KLC1: variants seen among roughly 807,000 people sequenced by gnomAD.
The protein encoded by KLC1 is kinesin 2 60/70kDa.
KLC1 carries 30 observed loss-of-function variants against 84.2 expected under a neutral mutation model. The observed-to-expected ratio is 0.36, with a 90% confidence interval of 0.27 to 0.48. The LOEUF is 0.48. Ranked by LOEUF, KLC1 falls within the 20% of genes least tolerant of loss-of-function variation. KLC1 has a pLI of 0.99. For synonymous variants in KLC1, 289 were observed against 293.3 expected, an observed-to-expected ratio of 0.99 and a Z score of 0.15; for missense variants, 499 against 805.4, an observed-to-expected ratio of 0.62 and a Z score of 4.60.
chr14:103,636,185 T>C (rs1444300884), intron 1 of KLC1, among the ~76,000 whole-genome samples: 1 of 152,192 alleles, frequency 6.6e-6, no homozygotes, highest in Non-Finnish European at 1.5e-5. Flanking sequence ...CCATCTTTTC[T>C]ACTTTGTTTC....
chr14:103,668,048 T>C (rs1595452354), intron 5 of KLC1, among the ~76,000 whole-genome samples: 1 of 152,342 alleles, frequency 6.6e-6, no homozygotes, highest in East Asian at 1.9e-4. Flanking sequence ...TACTTTTGTT[T>C]GTTGTTTTTT....
At chr14:103,639,396 G>A (rs1373403052) in intron 1 of KLC1, among the ~76,000 whole-genome samples, 3 of 152,162 alleles carry the variant, frequency 2.0e-5, no homozygotes, top group Non-Finnish European at 4.4e-5. Context: ...CTCCCAAAGT[G>A]TTGGGATTAC....
chr14:103,695,030 G>A, intron 15 of KLC1: 3 of 985,324 alleles, frequency 3.0e-6, no homozygotes, highest in Non-Finnish European at 2.4e-6. Flanking sequence ...CCTTTTCTGA[G>A]GCTCCTGACT....
intron 16 of KLC1, 42 bp downstream of exon 16, chr14:103,700,769 G>C (rs1450105684): frequency 6.7e-7 from 1 of 1,482,594 alleles, no homozygotes; most frequent in Non-Finnish European, 9.2e-7. Flanking sequence ...AGGCAGCTGG[G>C]CCAGGGAGGG....
intron 7 of KLC1, among the ~76,000 whole-genome samples, chr14:103,672,247 A>G (rs1425279529): frequency 6.6e-6 from 1 of 152,182 alleles, no homozygotes; most frequent in Admixed American, 6.5e-5. Context: ...GGGAGTAGAA[A>G]GGCAGCTTAC....
chr14:103,670,069 C>A, intron 6 of KLC1, 113 bp from the exon 7 acceptor site: 1 of 706,678 alleles, frequency 1.4e-6, no homozygotes, highest in South Asian at 2.1e-5. Context: ...ATTGTTCTAT[C>A]CGACTAAGAA....
At chr14:103,662,478 G>T (rs1447396194) in intron 4 of KLC1, among the ~76,000 whole-genome samples, 1 of 151,894 alleles carries the variant, frequency 6.6e-6, no homozygotes, top group East Asian at 1.9e-4. Flanking sequence ...TTGTTTCATG[G>T]CGCCAAGAGG....
chr14:103,670,548 GATGTT>G (rs1192584209), intron 7 of KLC1, among the ~76,000 whole-genome samples: 119 of 151,862 alleles, frequency 7.8e-4, no homozygotes, highest in African/African-American at 2.8e-3. Flanking sequence ...TGTTGGCCAG[GATGTT>G]CTCAATCTCT....
At chr14:103,691,754 A>C (rs1258905152) in intron 14 of KLC1, among the ~76,000 whole-genome samples, 4 of 151,696 alleles carry the variant, frequency 2.6e-5, no homozygotes, top group Admixed American at 2.6e-4. Flanking sequence ...GAGCCACTGC[A>C]GCTGGTCTTT....
chr14:103,666,477 T>G (rs1303048608), intron 5 of KLC1, among the ~76,000 whole-genome samples: 1 of 152,232 alleles, frequency 6.6e-6, no homozygotes, highest in Admixed American at 6.5e-5. Flanking sequence ...AAGTTCCAGT[T>G]GAGGCTGACT....
At chr14:103,658,347 A>G (rs960825276) in intron 3 of KLC1, among the ~76,000 whole-genome samples, 1 of 150,198 alleles carries the variant, frequency 6.7e-6, no homozygotes, top group Non-Finnish European at 1.5e-5. Context: ...TGCAACCTCC[A>G]TCTCCCGGGT....
intron 1 of KLC1, among the ~76,000 whole-genome samples, chr14:103,634,380 A>G (rs2076900844): frequency 6.6e-6 from 1 of 152,142 alleles, no homozygotes; most frequent in African/African-American, 2.4e-5. Flanking sequence ...CACTCATCCA[A>G]GGAGGGAAAA....
chr14:103,691,290 C>T (rs1210236995), intron 14 of KLC1, among the ~76,000 whole-genome samples: 1 of 151,370 alleles, frequency 6.6e-6, no homozygotes, highest in Non-Finnish European at 1.5e-5. Flanking sequence ...TCCAGAGTAG[C>T]TGGGATTACA....
In KLC1 at chr14:103,680,066, G is replaced by A. The variant is rs572434629; in HGVS notation, c.1650+521G>A. Among the ~76,000 whole-genome samples, 30 of 152,332 alleles carry A rather than the reference G, an allele frequency of 2.0e-4. No individual in the cohort carries two copies. The South Asian group carries it at 6.2e-3, about 32-fold the overall frequency. On this transcript the variant is annotated intron_variant, in intron 13 of 16. Transcript: ENST00000334553. ...GTCCTGCCTCAGTCCTGAGCGTCCT[G>A]CATTTCCCCTGAGAGGGCGTCCAGA...
chr14:103,629,817 G>A (rs1404010395), intron 1 of KLC1, among the ~76,000 whole-genome samples: 1 of 152,144 alleles, frequency 6.6e-6, no homozygotes, highest in East Asian at 1.9e-4. Context: ...GCCCCGCCCT[G>A]GCCCCGCATC....
chr14:103,677,323 G>C, intron 11 of KLC1, 92 bp from the exon 12 acceptor site: 2 of 786,276 alleles, frequency 2.5e-6, no homozygotes, highest in South Asian at 1.5e-5. Flanking sequence ...AGCCAAAACA[G>C]AAGTCTGTTA....
chr14:103,653,325 T>TTTTA lies in KLC1; in HGVS notation c.-1-1226_-1-1223dup, dbSNP rs1363770512. Among the ~76,000 whole-genome samples, 3 of 152,224 alleles carry TTTTA rather than the reference T, an allele frequency of 2.0e-5. No individual in the cohort carries two copies. The East Asian group carries it at 5.8e-4, about 29-fold the overall frequency. Reference sequence around the variant, plus strand: ...ACCCAGCTAATTTTACTTCATTTATTTTTATTTATTTATTTAGGCAGAGTC... The same window carrying TTTTA: ...ACCCAGCTAATTTTACTTCATTTATTTTTATTTATTTATTTATTTAGGCAGAGTC... On this transcript the variant is annotated intron_variant, in intron 1 of 16. Transcript: ENST00000334553.
At chr14:103,644,262 G>A (rs1417491612) in intron 1 of KLC1, among the ~76,000 whole-genome samples, 5 of 146,226 alleles carry the variant, frequency 3.4e-5, no homozygotes, top group African/African-American at 1.0e-4. Flanking sequence ...TTCTTTCTAC[G>A]TGACTTTTTT....
chr14:103,696,005 C>T (rs968299314), intron 15 of KLC1: 3 of 985,212 alleles, frequency 3.0e-6, no homozygotes, highest in Non-Finnish European at 1.2e-6. Context: ...GGCATCCCTC[C>T]TCCTGTGTGT....
Sources: gnomAD v4.1 joint callset for allele counts (sites outside exome capture counted in the v4.1 genomes callset) on GRCh38, gnomAD v4.1.1 for gene constraint, MANE v1.5 for transcripts, NCBI Gene and HGNC (gene_info 2026-07-23, HGNC 2026-07-21) for gene names.